Variants in BDP1 observed in about 807,000 individuals in gnomAD.
BDP1 encodes transcription factor TFIIIB component B'' homolog.
A neutral mutation model predicts 266.6 loss-of-function variants in BDP1; 169 were observed. The ratio of observed to expected loss-of-function variants is 0.63; its 90% CI spans 0.56 to 0.72. BDP1 has a LOEUF of 0.72. BDP1 is among the 30% of genes least tolerant of loss of function. BDP1 has a pLI of 0.00. For missense variants in BDP1, 3,015 were observed against 3,053.8 expected (o/e 0.99, Z 0.30); for synonymous variants, 1,090 against 1,022.4 (o/e 1.07, Z -1.26).
At chr5:71,456,723 A>G (rs1209501775) in intron 1 of BDP1, among the ~76,000 whole-genome samples, 1 of 152,232 alleles carries the variant, frequency 6.6e-6, no homozygotes, top group Non-Finnish European at 1.5e-5. Context: ...GTTTTGGTGC[A>G]GATTGGAGAT....
rs1280026357 is a variant in BDP1, at chr5:71,510,088, C to T, written c.2996C>T (p.Pro999Leu). 3.1e-6 allele frequency: 5 copies of T among 1,612,590 alleles called. No homozygotes were observed. In the African/African-American group the frequency reaches 6.7e-5, roughly 22 times the overall value. ...AAAATATCCCCAAGGGAAAATGGCCCAGAGGAGGTCAAGCCTGTAGATGAA... is the reference window on the plus strand; with the variant it reads ...AAAATATCCCCAAGGGAAAATGGCCTAGAGGAGGTCAAGCCTGTAGATGAA... Reference protein sequence around the residue: ...RRKISPRENGPEEVKPVDEME... With the variant: ...RRKISPRENGLEEVKPVDEME... The change falls in exon 17 of 39, where the codon CCA (proline) becomes CTA (leucine). Residue 999 changes from proline (P) to leucine (L), a missense_variant. Pro to Leu is a moderately conservative substitution (Grantham distance 98). This residue lies in a region of BDP1 where 2,383 missense variants were observed against 2,404.9 expected (regional missense o/e 0.99). Transcript: ENST00000358731.
At position 71,486,255 on chromosome 5, in the gene BDP1, T is replaced by G. The variant is rs943467043; in HGVS notation, c.1070-229T>G. On this transcript the variant is annotated intron_variant, in intron 8 of 38. Coordinates refer to ENST00000358731, the MANE Select transcript of BDP1 (RefSeq NM_018429.3). ...ATTTGTAATAAATTATTATTTGTAA[T>G]AAACTAGTTTATTTGTTTCGTTGCT... is the stretch of plus-strand genomic sequence containing the variant. Among the ~76,000 whole-genome samples, 8 of 152,350 alleles carry G rather than the reference T, an allele frequency of 5.3e-5. No homozygotes were observed. In the South Asian group the frequency reaches 1.5e-3, roughly 28 times the overall value.
chr5:71,492,274 A>G lies in BDP1; in HGVS notation c.1640+1143A>G, dbSNP rs183787208. 2.2e-4 allele frequency among the ~76,000 whole-genome samples: 33 copies of G among 152,274 alleles called. No homozygotes were observed. The East Asian group carries it at 6.0e-3, about 28-fold the overall frequency. ...AAATACCCAGAAGTGGGGTTGCTAG[A>G]TCATATGGTAGTTCTACTTTTAATT... On this transcript the variant is annotated intron_variant, in intron 11 of 38. Transcript: ENST00000358731.
chr5:71,528,165 A>G (rs1262418530), intron 25 of BDP1, among the ~76,000 whole-genome samples: 1 of 152,124 alleles, frequency 6.6e-6, no homozygotes, highest in Non-Finnish European at 1.5e-5. Context: ...AGCAACCTTT[A>G]TACTGTTTTT....
chr5:71,467,991 C>T (rs1221630058), intron 6 of BDP1, among the ~76,000 whole-genome samples: 1 of 152,112 alleles, frequency 6.6e-6, no homozygotes, highest in Non-Finnish European at 1.5e-5. Context: ...CAGGCGTGTG[C>T]CACCAAACCC....
In BDP1 at chr5:71,455,703, G is replaced by A. The variant is rs1561656630; in HGVS notation, c.-175G>A. Reference sequence around the variant, plus strand: ...GGCAGGGTCATGAAAAAGCGGCGGCGGCGGGAGAGAGGAGGAGGCGGCGGC... The same window carrying A: ...GGCAGGGTCATGAAAAAGCGGCGGCAGCGGGAGAGAGGAGGAGGCGGCGGC... On this transcript the variant is annotated 5_prime_UTR_variant, in exon 1 of 39. Coordinates refer to ENST00000358731, the MANE Select transcript of BDP1 (RefSeq NM_018429.3). 1 of 616,144 alleles carries A rather than the reference G, an allele frequency of 1.6e-6. No individual in the cohort carries two copies. The highest frequency in any genetic ancestry group is 2.8e-6 in the Non-Finnish European group (1 of 350,946). 38.2% of individuals were successfully genotyped at this position (616,144 alleles called of 1,614,324 possible). A position where few individuals can be genotyped will look rare whatever the true frequency, so the allele number is the denominator to read the frequency against.
At chr5:71,480,242 C>G (rs1762863403) in intron 7 of BDP1, among the ~76,000 whole-genome samples, 1 of 148,112 alleles carries the variant, frequency 6.8e-6, no homozygotes, top group Non-Finnish European at 1.5e-5. Flanking sequence ...TCCCAAGTAG[C>G]TGGGACTACA....
At chr5:71,520,624 A>G (rs1264229308) in intron 22 of BDP1, among the ~76,000 whole-genome samples, 1 of 151,192 alleles carries the variant, frequency 6.6e-6, no homozygotes, top group African/African-American at 2.5e-5. Context: ...TACCACTGAA[A>G]ATAACCTTAT....
At chr5:71,578,108 A>G in the BDP1 span, among the ~76,000 whole-genome samples, 6 of 152,146 alleles carry the variant, frequency 3.9e-5, no homozygotes, top group Non-Finnish European at 7.4e-5. Flanking sequence ...CTACTGGGAC[A>G]TCTAGAGCCT....
rs530574897 is a variant in BDP1, at chr5:71,552,076, G to A, written c.6996-1040G>A. 5.4e-4 allele frequency among the ~76,000 whole-genome samples: 82 copies of A among 150,932 alleles called. 1 individual carries two copies. Among genetic ancestry groups the A allele is most frequent in the African/African-American group, 1.7e-3 (71 of 41,120 alleles). On this transcript the variant is annotated intron_variant, in intron 34 of 38. Coordinates refer to ENST00000358731, the MANE Select transcript of BDP1 (RefSeq NM_018429.3). Reference sequence around the variant, plus strand: ...TCACTTCCCAGACGGGGTGGCTGCCGGTAGGAGGGGCTCCTCACTTCTCAG... The same window carrying A: ...TCACTTCCCAGACGGGGTGGCTGCCAGTAGGAGGGGCTCCTCACTTCTCAG...
rs1362706419 is a variant in BDP1 at position 71,524,621 on chromosome 5, TTTTA to T, written c.5772+310_5772+313del. Among the ~76,000 whole-genome samples the T allele has an allele frequency of 3.8e-3, 557 of 146,802 alleles. 4 individuals carry two copies. The highest frequency in any genetic ancestry group is 0.013 in the African/African-American group (542 of 40,314). Reference sequence around the variant, plus strand: ...TCTTTCTTTTTTTTTATTTTTTATTTTTTATTTATTTATTTTTTATTTATTTTTT... The same window carrying T: ...TCTTTCTTTTTTTTTATTTTTTATTTTTTATTTATTTTTTATTTATTTTTT... On this transcript the variant is annotated intron_variant, in intron 25 of 38. Coordinates refer to ENST00000358731, the MANE Select transcript of BDP1 (RefSeq NM_018429.3).
intron 11 of BDP1, among the ~76,000 whole-genome samples, chr5:71,491,678 T>TCCCA (rs1763605710): frequency 6.6e-6 from 1 of 152,146 alleles, no homozygotes; most frequent in Non-Finnish European, 1.5e-5. Flanking sequence ...TTCCTCCGCC[T>TCCCA]CCCAGCCCTT....
chr5:71,556,012 A>G (rs1209096488), intron 35 of BDP1, among the ~76,000 whole-genome samples: 4 of 152,026 alleles, frequency 2.6e-5, no homozygotes, highest in Admixed American at 2.0e-4. Flanking sequence ...ATGTCTTTCC[A>G]TTTGTTTAAG....
chr5:71,560,198 T>C lies in BDP1; in HGVS notation c.7457T>C (p.Met2486Thr). The change falls in exon 37 of 39, where the codon ATG becomes ACG. Residue 2486 changes from methionine to threonine, a missense_variant. Met to Thr is a moderately conservative substitution (Grantham distance 81). Coordinates refer to ENST00000358731, the MANE Select transcript of BDP1 (RefSeq NM_018429.3). ...GATGCTGCTCCTAAGTCTCAGCAAA[T>C]GGATAGCAGAACATCGTCTTCTAAA... is the stretch of plus-strand genomic sequence containing the variant. ...RTDAAPKSQQ[M>T]DSRTSSSKAS... 6.2e-7 allele frequency: 1 copy of C among 1,614,150 alleles called. No individual in the cohort carries two copies. Among genetic ancestry groups the C allele is most frequent in the Non-Finnish European group, 8.5e-7 (1 of 1,180,022 alleles).
the BDP1 span, among the ~76,000 whole-genome samples, chr5:71,575,408 G>A: frequency 2.6e-5 from 4 of 152,286 alleles, no homozygotes; most frequent in African/African-American, 4.8e-5. Context: ...AGAAGCTGAC[G>A]CAACTTCAGC....
chr5:71,467,958 G>A lies in BDP1; in HGVS notation c.919+471G>A, dbSNP rs537103370. On this transcript the variant is annotated intron_variant, in intron 6 of 38. Transcript: ENST00000358731. ...GGGCTCATGTGATCTTCCTGCCTCA[G>A]CCTCCCAGAGTAGCTGGCACTACAG... 1.2e-4 allele frequency among the ~76,000 whole-genome samples: 18 copies of A among 152,298 alleles called. No individual in the cohort carries two copies. In the South Asian group the frequency reaches 1.2e-3, roughly 11 times the overall value.
At position 71,519,478 on chromosome 5, in the gene BDP1, A is replaced by G. The variant is rs1765389737; in HGVS notation, c.4991+2026A>G. On this transcript the variant is annotated intron_variant, in intron 22 of 38. Coordinates refer to ENST00000358731, the MANE Select transcript of BDP1 (RefSeq NM_018429.3). Reference sequence around the variant, plus strand: ...TTACTCCCTTCCCTCTTGCCTTCCTAGCCTCTGGTGAGCACCATTCTAATC... The same window carrying G: ...TTACTCCCTTCCCTCTTGCCTTCCTGGCCTCTGGTGAGCACCATTCTAATC... Among the ~76,000 whole-genome samples the G allele has an allele frequency of 3.3e-5, 5 of 152,112 alleles. No individual in the cohort carries two copies. The South Asian group carries it at 1.0e-3, about 32-fold the overall frequency.
At chr5:71,562,226 A>AAATTT in intron 37 of BDP1, 48 bp from the exon 38 acceptor site, 5 of 981,756 alleles carry the variant, frequency 5.1e-6, no homozygotes, top group Non-Finnish European at 5.9e-6. Context: ...AAAAAAAAGA[A>AAATTT]TGTGTCTTCC....
intron 37 of BDP1, among the ~76,000 whole-genome samples, chr5:71,560,762 AG>A (rs1487788735): frequency 2.5e-4 from 38 of 152,370 alleles, no homozygotes; most frequent in African/African-American, 8.7e-4. Context: ...AGCAGCATCC[AG>A]AAGATTAATG....
Sources: gnomAD v4.1 joint callset for allele counts (sites outside exome capture counted in the v4.1 genomes callset) on GRCh38, gnomAD v4.1.1 for gene constraint, gnomAD v4.1.1 regional missense constraint, MANE v1.5 for transcripts, NCBI Gene and HGNC (gene_info 2026-07-23, HGNC 2026-07-21) for gene names.